The following PHF21A variants were observed in gnomAD, a reference collection of about 807,000 sequenced individuals.
PHF21A encodes the protein BHC80a.
A neutral mutation model predicts 82.5 loss-of-function variants in PHF21A; 11 were observed. The ratio of observed to expected loss-of-function variants is 0.13; its 90% CI spans 0.08 to 0.22. The LOEUF is 0.22. Ranked by LOEUF, PHF21A falls within the 10% of genes least tolerant of loss-of-function variation. The probability of loss-of-function intolerance (pLI) is 1.00; values close to 1 mark genes in which losing one functional copy is unlikely to be tolerated. For missense variants in PHF21A, 579 were observed against 837.8 expected (o/e 0.69, Z 3.81); for synonymous variants, 297 against 302.8 (o/e 0.98, Z 0.20).
At chr11:46,091,069 G>A (rs2096918905) in intron 2 of PHF21A, among the ~76,000 whole-genome samples, 1 of 152,092 alleles carries the variant, frequency 6.6e-6, no homozygotes, top group African/African-American at 2.4e-5. Context: ...GGTAGTAAAT[G>A]CAAGGATTAA....
At chr11:46,108,756 C>G (rs1436575328) in intron 1 of PHF21A, among the ~76,000 whole-genome samples, 1 of 151,964 alleles carries the variant, frequency 6.6e-6, no homozygotes, top group Non-Finnish European at 1.5e-5. Flanking sequence ...AAACGTTGAT[C>G]GTTATATAAG....
intron 6 of PHF21A, among the ~76,000 whole-genome samples, chr11:46,075,168 G>GA (rs1363628401): frequency 2.0e-5 from 3 of 152,226 alleles, no homozygotes; most frequent in Admixed American, 2.0e-4. Flanking sequence ...GTCCCTAACA[G>GA]AAAAAAGATT....
chr11:46,098,412 T>TAA (rs2097033917), intron 1 of PHF21A, among the ~76,000 whole-genome samples: 1 of 152,140 alleles, frequency 6.6e-6, no homozygotes, highest in Non-Finnish European at 1.5e-5. Flanking sequence ...TTAAGTAGAA[T>TAA]AAAAAACAAA....
chr11:46,018,938 T>C (rs1482491422), intron 6 of PHF21A, among the ~76,000 whole-genome samples: 2 of 152,166 alleles, frequency 1.3e-5, no homozygotes, highest in Admixed American at 1.3e-4. Context: ...ACAAAATCAA[T>C]GTATCATACC....
intron 6 of PHF21A, among the ~76,000 whole-genome samples, chr11:46,030,073 G>C (rs1233183440): frequency 6.6e-6 from 1 of 152,122 alleles, no homozygotes; most frequent in Non-Finnish European, 1.5e-5. Context: ...TAATACAGTA[G>C]GTTGTTATTC....
chr11:46,076,373 G>C (rs908660482), intron 6 of PHF21A, among the ~76,000 whole-genome samples: 10 of 152,162 alleles, frequency 6.6e-5, no homozygotes, highest in Admixed American at 6.5e-4. Context: ...TCCACAGTAA[G>C]TTTAATGTCA....
intron 6 of PHF21A, among the ~76,000 whole-genome samples, chr11:46,032,802 C>G (rs1237616487): frequency 6.6e-6 from 1 of 152,082 alleles, no homozygotes; most frequent in Non-Finnish European, 1.5e-5. Context: ...ATTAATGAAA[C>G]TGAGCATCGC....
intron 4 of PHF21A, 50 bp from the exon 5 acceptor site, chr11:46,079,216 T>A: frequency 1.4e-6 from 2 of 1,385,560 alleles, no homozygotes; most frequent in Non-Finnish European, 2.0e-6. Context: ...ATTAACTCCC[T>A]ATGGCTAATC....
intron 6 of PHF21A, among the ~76,000 whole-genome samples, chr11:46,060,600 G>C (rs2096523217): frequency 6.6e-6 from 1 of 152,190 alleles, no homozygotes; most frequent in Admixed American, 6.5e-5. Context: ...GCATATGATT[G>C]TTGGCCACAT....
chr11:46,076,542 G>T (rs2096728304), intron 6 of PHF21A, among the ~76,000 whole-genome samples: 1 of 152,098 alleles, frequency 6.6e-6, no homozygotes, highest in Admixed American at 6.6e-5. Flanking sequence ...TTAGGTATTT[G>T]CCAGTAACAT....
At chr11:45,940,790 T>C (rs1004933401) in intron 15 of PHF21A, among the ~76,000 whole-genome samples, 1 of 152,178 alleles carries the variant, frequency 6.6e-6, no homozygotes, top group African/African-American at 2.4e-5. Context: ...TTATGTGAAC[T>C]ACAGAAAAAA....
chr11:46,095,677 TTAA>T (rs757243048), intron 1 of PHF21A, among the ~76,000 whole-genome samples: 1 of 152,148 alleles, frequency 6.6e-6, no homozygotes, highest in East Asian at 1.9e-4. Flanking sequence ...TCTAAAGCAA[TTAA>T]TAATTATTTA....
At chr11:45,941,643 C>T (rs1369753526) in intron 15 of PHF21A, among the ~76,000 whole-genome samples, 5 of 152,186 alleles carry the variant, frequency 3.3e-5, no homozygotes, top group African/African-American at 9.7e-5. Context: ...CATACAGAAC[C>T]GGCTCTTTGC....
chr11:46,072,080 A>G (rs752420937), intron 6 of PHF21A, among the ~76,000 whole-genome samples: 1 of 152,222 alleles, frequency 6.6e-6, no homozygotes, highest in African/African-American at 2.4e-5. Context: ...TGACTTCCTG[A>G]AACTAACAAT....
chr11:45,975,377 T>TAAAACAAAAC (rs55768306), intron 7 of PHF21A, among the ~76,000 whole-genome samples: 11,274 of 130,146 alleles, frequency 0.087, 687 homozygotes, highest in South Asian at 0.11. Flanking sequence ...TAAAATAAAA[T>TAAAACAAAAC]AAAACAAAAC....
rs575930724 is a variant in PHF21A at position 46,021,414 on chromosome 11, T to C, written c.154-41448A>G. On this transcript the variant is annotated intron_variant, in intron 6 of 18. Coordinates refer to ENST00000676320, the MANE Select transcript of PHF21A (RefSeq NM_001352027.3). ...CCACATTTTAAACTATTAACAAGTATACACCATACCTCCATCAGTATTGTC... is the reference window on the plus strand; with the variant it reads ...CCACATTTTAAACTATTAACAAGTACACACCATACCTCCATCAGTATTGTC... Among the ~76,000 whole-genome samples, 13 of 152,198 alleles carry C rather than the reference T, an allele frequency of 8.5e-5. No homozygotes were observed. The South Asian group carries it at 2.3e-3, about 27-fold the overall frequency.
intron 6 of PHF21A, among the ~76,000 whole-genome samples, chr11:46,004,238 T>C (rs1054022471): frequency 6.6e-6 from 1 of 152,196 alleles, no homozygotes; most frequent in African/African-American, 2.4e-5. Context: ...CCAATGTTCA[T>C]CTTCATAAAA....
chr11:46,055,729 T>A (rs1314724259), intron 6 of PHF21A, among the ~76,000 whole-genome samples: 1 of 152,128 alleles, frequency 6.6e-6, no homozygotes, highest in Non-Finnish European at 1.5e-5. Context: ...ACAATTTACA[T>A]CCAGACTCCC....
At chr11:45,988,574 G>A (rs2094573072) in intron 6 of PHF21A, among the ~76,000 whole-genome samples, 1 of 152,096 alleles carries the variant, frequency 6.6e-6, no homozygotes, top group South Asian at 2.1e-4. Context: ...AATAGCACAG[G>A]CACATAAATT....
Sources: allele counts gnomAD v4.1 joint callset (sites outside exome capture counted in the v4.1 genomes callset), GRCh38; gene constraint gnomAD v4.1.1; transcripts MANE v1.5; gene names NCBI Gene and HGNC (gene_info 2026-07-23, HGNC 2026-07-21).